The following DYSF variants were observed in gnomAD, a reference collection of about 807,000 sequenced individuals.
DYSF encodes dysferlin, also known as dystrophy-associated fer-1-like 1.
A neutral mutation model predicts 274.9 loss-of-function variants in DYSF; 212 were observed. The observed-to-expected ratio is 0.77, with a 90% CI of 0.69 to 0.86. The LOEUF (loss-of-function observed/expected upper bound fraction) is 0.86, where lower values mean the gene tolerates loss of function less well. Ranked by LOEUF, DYSF falls within the 40% of genes least tolerant of loss-of-function variation. The pLI is 0.00. For missense variants in DYSF, 2,666 were observed against 2,783.2 expected (o/e 0.96, Z 0.95); for synonymous variants, 1,091 against 1,078.7 (o/e 1.01, Z -0.22).
At chr2:71,664,760 G>A (rs929424876) in intron 46 of DYSF, among the ~76,000 whole-genome samples, 15 of 152,316 alleles carry the variant, frequency 9.8e-5, no homozygotes, top group Middle Eastern at 3.4e-3. Flanking sequence ...GAGAGGGAAG[G>A]AAGGCAGGAA....
Position 71,548,968 on chromosome 2 carries a change from G to A in DYSF, c.1577-2073G>A, listed in dbSNP as rs193003760. On this transcript the variant is annotated intron_variant, in intron 17 of 55. Coordinates refer to ENST00000410020, the MANE Select transcript of DYSF (RefSeq NM_001130987.2). ...GTCTCCCCACCCTCCCGTTGTGTCTGTACTTTGTTCCCCTCACTTATCTGG... is the reference window on the plus strand; with the variant it reads ...GTCTCCCCACCCTCCCGTTGTGTCTATACTTTGTTCCCCTCACTTATCTGG... Among the ~76,000 whole-genome samples, 12 of 152,312 alleles carry A rather than the reference G, an allele frequency of 7.9e-5. 1 individual carries two copies. The highest frequency in any genetic ancestry group is 1.5e-4 in the Non-Finnish European group (10 of 68,030).
rs376932915 is a variant in DYSF at position 71,551,688 on chromosome 2, G to T, written c.1774G>T (p.Asp592Tyr). 14 of 1,610,454 alleles carry T rather than the reference G, an allele frequency of 8.7e-6. No homozygotes were observed. The African/African-American group carries it at 1.9e-4, about 22-fold the overall frequency. ...LVEHSEQKVE[D>Y]LPADDILRVE... ...GGAGCACAGTGAACAGAAGGTGGAG[G>T]ACCTTCCTGCGGATGACATCCTCCG... Residue 592 changes from aspartate to tyrosine, a missense_variant, in exon 19 of 56, where the codon GAC becomes TAC. Physicochemically the swap from Asp to Tyr is radical, Grantham distance 160. Transcript: ENST00000410020.
intron 33 of DYSF, among the ~76,000 whole-genome samples, chr2:71,600,424 G>T (rs2093520791): frequency 6.6e-6 from 1 of 152,214 alleles, no homozygotes; most frequent in African/African-American, 2.4e-5. Flanking sequence ...TTAAATTGTA[G>T]CAGGGCAAAC....
intron 3 of DYSF, among the ~76,000 whole-genome samples, chr2:71,487,454 G>C (rs2083452449): frequency 6.6e-6 from 1 of 152,186 alleles, no homozygotes; most frequent in Non-Finnish European, 1.5e-5. Context: ...AGGATGGCAG[G>C]GGGGCAGTGT....
At chr2:71,514,950 C>T (rs13413739) in intron 7 of DYSF, among the ~76,000 whole-genome samples, 14,495 of 151,210 alleles carry the variant, frequency 0.096, 732 homozygotes, top group African/African-American at 0.13. Flanking sequence ...AAGAATATAT[C>T]CTCCCATATT....
chr2:71,584,159 G>C (rs1262494219), intron 30 of DYSF, among the ~76,000 whole-genome samples: 1 of 138,360 alleles, frequency 7.2e-6, no homozygotes, highest in South Asian at 2.5e-4. Context: ...TGGCCCTGGG[G>C]CTGGGCAAGA....
chr2:71,502,103 G>A (rs1004250181), intron 3 of DYSF, among the ~76,000 whole-genome samples: 1 of 151,760 alleles, frequency 6.6e-6, no homozygotes, highest in Non-Finnish European at 1.5e-5. Context: ...GTGTGTGTGT[G>A]TGTGTGTGTG....
intron 36 of DYSF, among the ~76,000 whole-genome samples, chr2:71,609,663 A>G (rs1299113416): frequency 1.3e-5 from 2 of 152,240 alleles, no homozygotes; most frequent in African/African-American, 4.8e-5. Flanking sequence ...AGGAGGTGGC[A>G]GAGCTGGAAC....
At position 71,678,681 on chromosome 2, in the gene DYSF, T is replaced by C. The variant is rs534651701; in HGVS notation, c.5885-376T>C. On this transcript the variant is annotated intron_variant, in intron 52 of 55. Transcript: ENST00000410020. Reference sequence around the variant, plus strand: ...CTTAACATGGTTAAAATAACAAATTTCATGTTATATGTATTTTACCATGAT... The same window carrying C: ...CTTAACATGGTTAAAATAACAAATTCCATGTTATATGTATTTTACCATGAT... Among the ~76,000 whole-genome samples the C allele has an allele frequency of 7.2e-5, 11 of 152,268 alleles. No homozygotes were observed. In the South Asian group the frequency reaches 2.3e-3, roughly 32 times the overall value.
At chr2:71,515,138 C>G (rs1238491877) in intron 7 of DYSF, among the ~76,000 whole-genome samples, 3 of 152,204 alleles carry the variant, frequency 2.0e-5, no homozygotes, top group Admixed American at 6.5e-5. Flanking sequence ...CATTTACTTA[C>G]AGCTCAATGG....
chr2:71,456,614 A>G (rs2081075882), intron 1 of DYSF, among the ~76,000 whole-genome samples: 1 of 152,184 alleles, frequency 6.6e-6, no homozygotes, highest in South Asian at 2.1e-4. Flanking sequence ...AATACCCTGT[A>G]GCCACACTTC....
intron 7 of DYSF, among the ~76,000 whole-genome samples, chr2:71,514,579 T>G (rs1003328845): frequency 6.7e-6 from 1 of 148,430 alleles, no homozygotes; most frequent in Admixed American, 6.7e-5. Flanking sequence ...CCTTTGCCTA[T>G]TTTTTTTTTC....
intron 41 of DYSF, among the ~76,000 whole-genome samples, chr2:71,623,507 A>G (rs1039311751): frequency 2.0e-5 from 3 of 152,110 alleles, no homozygotes; most frequent in Non-Finnish European, 2.9e-5. Context: ...AACCATGTCC[A>G]TGTAACTTTA....
Position 71,620,600 on chromosome 2 carries a change from C to T in DYSF, c.4518C>T (p.Ser1506=), listed in dbSNP as rs757128836. Residue 1506 remains serine, a synonymous_variant, in exon 41 of 56, where the codon TCC becomes TCT. Coordinates refer to ENST00000410020, the MANE Select transcript of DYSF (RefSeq NM_001130987.2). ...CCACTAACACGGCTTCTCCTCCATC[C>T]AGTCCTCATGTATGTACTGTTTACT... The part of the protein sequence containing the change: ...LAPTNTASPP[S]SPHEEEFIDW... The T allele has an allele frequency of 1.7e-5, 27 of 1,551,342 alleles. No homozygotes were observed. Among genetic ancestry groups the T allele is most frequent in the Non-Finnish European group, 2.4e-5 (27 of 1,146,964 alleles).
chr2:71,620,786 A>G (rs911628234), intron 41 of DYSF, among the ~76,000 whole-genome samples, 177 bp downstream of exon 41: 1 of 152,030 alleles, frequency 6.6e-6, no homozygotes, highest in Non-Finnish European at 1.5e-5. Flanking sequence ...AGAGAAAGCT[A>G]TGGAGTAGAT....
chr2:71,582,882 C>G (rs896553614), intron 30 of DYSF, among the ~76,000 whole-genome samples: 3 of 151,502 alleles, frequency 2.0e-5, no homozygotes, highest in Non-Finnish European at 2.9e-5. Flanking sequence ...AAAGGTAGTA[C>G]AAAAATTAGA....
chr2:71,544,459 CTTTTT>C (rs10656285), intron 17 of DYSF, among the ~76,000 whole-genome samples: 2 of 129,074 alleles, frequency 1.5e-5, no homozygotes, highest in Non-Finnish European at 1.6e-5. Flanking sequence ...TAAAAATGTT[CTTTTT>C]TTTTTTTTTT....
intron 16 of DYSF, among the ~76,000 whole-genome samples, chr2:71,537,841 G>A (rs2089541469): frequency 6.6e-6 from 1 of 152,190 alleles, no homozygotes; most frequent in African/African-American, 2.4e-5. Context: ...TCACAACAGG[G>A]AGAGGGGGTC....
intron 30 of DYSF, 137 bp downstream of exon 30, chr2:71,574,508 C>T: frequency 9.1e-7 from 1 of 1,093,440 alleles, no homozygotes; most frequent in Admixed American, 2.7e-5. Context: ...ATCCTGGCGT[C>T]AGTACCTGTG....
Sources: allele counts gnomAD v4.1 joint callset (sites outside exome capture counted in the v4.1 genomes callset), GRCh38; gene constraint gnomAD v4.1.1; transcripts MANE v1.5; gene names NCBI Gene and HGNC (gene_info 2026-07-23, HGNC 2026-07-21).